CPEB4: variants seen among roughly 807,000 people sequenced by gnomAD.
CPEB4 encodes cytoplasmic polyadenylation element binding protein 4, also known as cytoplasmic polyadenylation element-binding protein 4.
Under a neutral mutation model 72.5 loss-of-function variants are expected in CPEB4, and 12 were observed. The ratio of observed to expected loss-of-function variants is 0.17; its 90% CI spans 0.11 to 0.27. The LOEUF (loss-of-function observed/expected upper bound fraction) is 0.27. CPEB4 is among the 10% of genes least tolerant of loss of function. The pLI is 1.00. For synonymous variants in CPEB4, 302 were observed against 326.3 expected (o/e 0.93, Z 0.80); for missense variants, 614 against 908.5 (o/e 0.68, Z 4.17).
chr5:173,908,233 A>C (rs1756514487), intron 1 of CPEB4, among the ~76,000 whole-genome samples: 1 of 152,206 alleles, frequency 6.6e-6, no homozygotes, highest in African/African-American at 2.4e-5. Flanking sequence ...GGGAATACTA[A>C]ACCTTAGTCT....
chr5:173,939,272 G>A (rs1050557211), intron 3 of CPEB4, among the ~76,000 whole-genome samples: 1 of 152,122 alleles, frequency 6.6e-6, no homozygotes, highest in Non-Finnish European at 1.5e-5. Flanking sequence ...GAGAGCTTTA[G>A]GTACATGAAC....
intron 3 of CPEB4, among the ~76,000 whole-genome samples, chr5:173,935,438 A>C (rs1160138046): frequency 2.0e-5 from 3 of 152,186 alleles, no homozygotes; most frequent in African/African-American, 7.2e-5. Context: ...GTAAGGAGCT[A>C]TTCTTCCTTG....
intron 3 of CPEB4, among the ~76,000 whole-genome samples, chr5:173,939,510 A>G (rs1397213786): frequency 6.6e-6 from 1 of 152,176 alleles, no homozygotes; most frequent in Admixed American, 6.5e-5. Flanking sequence ...AATAAAATGT[A>G]TGGGGAGGGA....
intron 1 of CPEB4, among the ~76,000 whole-genome samples, chr5:173,905,424 C>T (rs187492217): frequency 8.4e-4 from 128 of 152,072 alleles, no homozygotes; most frequent in Admixed American, 2.3e-3. Flanking sequence ...AACCCCGCCT[C>T]CCAGGTTCAA....
chr5:173,888,414 G>GGCGGCGGCGGCGGCGGCA lies in CPEB4; in HGVS notation c.-1317_-1300dup, dbSNP rs1190882081. ...CGGGACCCGGGCACCGGGAGGCGGT[G>GGCGGCGGCGGCGGCGGCA]GCGGCGGCGGCGGCGGCAGCAGCGG... On this transcript the variant is annotated 5_prime_UTR_variant, in exon 1 of 10. Coordinates refer to ENST00000265085, the MANE Select transcript of CPEB4 (RefSeq NM_030627.4). The surrounding 1 kb of genome is among the most constrained non-coding windows in gnomAD (Gnocchi z 4.3). 2.6e-6 allele frequency: 1 copy of GGCGGCGGCGGCGGCGGCA among 390,222 alleles called. No individual in the cohort carries two copies. Among genetic ancestry groups the GGCGGCGGCGGCGGCGGCA allele is most frequent in the Non-Finnish European group, 4.5e-6 (1 of 224,112 alleles). 24.2% of individuals were successfully genotyped at this position (390,222 alleles called of 1,614,324 possible). A position where few individuals can be genotyped will look rare whatever the true frequency, so the allele number is the denominator to read the frequency against.
chr5:173,934,720 A>T (rs1437736994), intron 3 of CPEB4, among the ~76,000 whole-genome samples: 1 of 152,202 alleles, frequency 6.6e-6, no homozygotes, highest in Non-Finnish European at 1.5e-5. Context: ...TACTCGACCG[A>T]CCTATTCTCT....
In CPEB4 at chr5:173,890,500, C is replaced by G; in HGVS notation, c.767C>G (p.Pro256Arg). The part of the protein sequence containing the change: ...HQQQRRSPAS[P>R]HPPPFTHRNA... ...CAGCAAAGGAGGTCTCCTGCCAGTC[C>G]CCATCCCCCACCCTTCACACATAGA... Residue 256 changes from proline to arginine, a missense_variant, in exon 1 of 10, where the codon CCC becomes CGC. Physicochemically the swap from Pro to Arg is moderately radical, Grantham distance 103. Transcript: ENST00000265085. 6.2e-7 allele frequency: 1 copy of G among 1,612,544 alleles called. No individual in the cohort carries two copies. Among genetic ancestry groups the G allele is most frequent in the South Asian group, 1.1e-5 (1 of 90,788 alleles).
chr5:173,930,619 G>A (rs1288047982), intron 2 of CPEB4, among the ~76,000 whole-genome samples: 1 of 151,946 alleles, frequency 6.6e-6, no homozygotes, highest in Non-Finnish European at 1.5e-5. Flanking sequence ...TCCCTACATA[G>A]GACTAAGCTG....
chr5:173,891,428 T>G (rs1755806599), intron 1 of CPEB4: 1 of 152,248 alleles, frequency 6.6e-6, no homozygotes, highest in African/African-American at 2.4e-5. Flanking sequence ...CTGCAAATTT[T>G]GGCCTACCTT....
intron 2 of CPEB4, among the ~76,000 whole-genome samples, chr5:173,920,699 A>C (rs1488184562): frequency 6.6e-6 from 1 of 152,198 alleles, no homozygotes; most frequent in Non-Finnish European, 1.5e-5. Context: ...TACCATCAGC[A>C]ATTCAGTCTT....
chr5:173,955,806 C>T lies in CPEB4; in HGVS notation c.1963-104C>T. On this transcript the variant is annotated intron_variant, in intron 9 of 9. Transcript: ENST00000265085. This position sits in a 1 kb window ranked among gnomAD's most constrained non-coding sequence, Gnocchi z 4.7. The stretch of plus-strand genomic sequence containing the variant: ...GAATAATTAGTCCTTCCTCTTTGGG[C>T]ACCTTGGAACAGATTCATTCAGATA... 1.2e-6 allele frequency: 1 copy of T among 840,636 alleles called. No homozygotes were observed. Among genetic ancestry groups the T allele is most frequent in the Admixed American group, 2.7e-5 (1 of 36,948 alleles). The allele number at this position is 840,636 out of a possible 1,614,324, so 52.1% of individuals were successfully genotyped here. A position where few individuals can be genotyped will look rare whatever the true frequency, so the allele number is the denominator to read the frequency against.
intron 2 of CPEB4, among the ~76,000 whole-genome samples, chr5:173,922,916 T>A (rs552426362): frequency 6.6e-6 from 1 of 152,346 alleles, no homozygotes; most frequent in South Asian, 2.1e-4. Context: ...AAAACAAAGG[T>A]TCCTGGCTTC....
intron 1 of CPEB4, among the ~76,000 whole-genome samples, chr5:173,909,258 TTTTG>T (rs759924208): frequency 1.3e-5 from 2 of 152,214 alleles, no homozygotes; most frequent in African/African-American, 4.8e-5. Flanking sequence ...TTTTGTTTTG[TTTTG>T]TTTTGTTTTG....
At chr5:173,942,122 C>T (rs1415562740) in intron 3 of CPEB4, among the ~76,000 whole-genome samples, 3 of 152,240 alleles carry the variant, frequency 2.0e-5, no homozygotes, top group African/African-American at 7.2e-5. Flanking sequence ...ACACCTACCA[C>T]ATAACTAGTA....
rs748458270 is a variant in CPEB4, at chr5:173,889,730, A to G, written c.-4A>G. The G allele has an allele frequency of 1.9e-6, 3 of 1,556,716 alleles. No individual in the cohort carries two copies. The highest frequency in any genetic ancestry group is 2.8e-5 in the African/African-American group (2 of 72,378). ...TTGTGAGATTCTGCTCCTAAAGATA[A>G]TAAATGGGGGATTACGGGTTTGGAG... On this transcript the variant is annotated 5_prime_UTR_variant, in exon 1 of 10. Coordinates refer to ENST00000265085, the MANE Select transcript of CPEB4 (RefSeq NM_030627.4).
Position 173,956,611 on chromosome 5 carries a change from T to G in CPEB4, c.*474T>G, listed in dbSNP as rs2113311795. 1 of 151,372 alleles carries G rather than the reference T, an allele frequency of 6.6e-6. No homozygotes were observed. The highest frequency in any genetic ancestry group is 1.5e-5 in the Non-Finnish European group (1 of 67,842). 9.4% of individuals were successfully genotyped at this position (151,372 alleles called of 1,614,324 possible). A position where few individuals can be genotyped will look rare whatever the true frequency, so the allele number is the denominator to read the frequency against. ...CTTTTGCCTTTTCCTTTCTTTTTTT[T>G]TTTTTTTTCATCTTTTTTGTCTCTC... On this transcript the variant is annotated 3_prime_UTR_variant, in exon 10 of 10. Transcript: ENST00000265085.
intron 3 of CPEB4, among the ~76,000 whole-genome samples, chr5:173,937,410 A>G (rs942127803): frequency 1.3e-5 from 2 of 152,216 alleles, no homozygotes; most frequent in Admixed American, 1.3e-4. Context: ...GGGGGAAGAA[A>G]TCTATCAAAA....
At position 173,890,657 on chromosome 5, in the gene CPEB4, C is replaced by A. The variant is rs1281219229; in HGVS notation, c.924C>A (p.Gly308=). Residue 308 remains glycine, a synonymous_variant, in exon 1 of 10, where the codon GGC becomes GGA. Coordinates refer to ENST00000265085, the MANE Select transcript of CPEB4 (RefSeq NM_030627.4). The stretch of plus-strand genomic sequence containing the variant: ...GCCCGGGCGGTGGTGGATATGGTGG[C>A]TGGGGAGGTTCCCAAGGCCGAGATC... The part of the protein sequence containing the change: ...SWSPGGGGYG[G]WGGSQGRDHR... 6.2e-7 allele frequency: 1 copy of A among 1,613,978 alleles called. No homozygotes were observed. The highest frequency in any genetic ancestry group is 1.3e-5 in the African/African-American group (1 of 74,986).
intron 6 of CPEB4, 30 bp from the exon 7 acceptor site, chr5:173,949,930 A>T (rs1391389959): frequency 6.9e-7 from 1 of 1,453,978 alleles, no homozygotes; most frequent in African/African-American, 1.4e-5. Context: ...ATAGGAAAAC[A>T]TGTAAGCCTT....
Sources: allele counts gnomAD v4.1 joint callset (sites outside exome capture counted in the v4.1 genomes callset), GRCh38; gene constraint gnomAD v4.1.1; non-coding constraint Gnocchi (gnomAD v3.1); transcripts MANE v1.5; gene names NCBI Gene and HGNC (gene_info 2026-07-23, HGNC 2026-07-21).